Variants in TMEM132D observed in about 807,000 individuals in gnomAD.
TMEM132D encodes transmembrane protein 132D.
Under a neutral mutation model 62.3 loss-of-function variants are expected in TMEM132D, and 21 were observed. That is an observed-to-expected ratio of 0.34 (90% confidence interval 0.24 to 0.49). The LOEUF (loss-of-function observed/expected upper bound fraction) is 0.49. Among genes scored for constraint, TMEM132D ranks in the 20% least tolerant of loss-of-function variants. The pLI, the probability that TMEM132D is intolerant of heterozygous loss-of-function variation, is 0.99. For missense variants in TMEM132D, 1,346 were observed against 1,402.8 expected (o/e 0.96, Z 0.65); for synonymous variants, 621 against 575.6 (o/e 1.08, Z -1.13).
chr12:129,388,177 A>G (rs1871172105), intron 3 of TMEM132D, among the ~76,000 whole-genome samples: 3 of 124,570 alleles, frequency 2.4e-5, no homozygotes, highest in Non-Finnish European at 5.4e-5. Flanking sequence ...TAGCAACACC[A>G]ATATTAACAC....
intron 2 of TMEM132D, among the ~76,000 whole-genome samples, chr12:129,679,209 A>G (rs1880719127): frequency 6.6e-6 from 1 of 151,990 alleles, no homozygotes; most frequent in Admixed American, 6.6e-5. Flanking sequence ...TTGTGTCATT[A>G]TGCATTTCTA....
chr12:129,241,251 G>T (rs1429202772), intron 4 of TMEM132D, among the ~76,000 whole-genome samples: 1 of 151,096 alleles, frequency 6.6e-6, no homozygotes, highest in African/African-American at 2.4e-5. Flanking sequence ...AAAAATATTT[G>T]CAAACTATCC....
At chr12:129,520,252 A>G (rs1182671959) in intron 3 of TMEM132D, among the ~76,000 whole-genome samples, 1 of 152,186 alleles carries the variant, frequency 6.6e-6, no homozygotes, top group Non-Finnish European at 1.5e-5. Flanking sequence ...GCTTAATACC[A>G]TGACATTTTG....
At chr12:129,406,224 G>T (rs1021745216) in intron 3 of TMEM132D, among the ~76,000 whole-genome samples, 3 of 152,184 alleles carry the variant, frequency 2.0e-5, no homozygotes, top group South Asian at 2.1e-4. Flanking sequence ...AGAAAGTTTT[G>T]TAAGTAGTCT....
intron 5 of TMEM132D, among the ~76,000 whole-genome samples, chr12:129,207,660 T>C (rs1186375140): frequency 6.6e-6 from 1 of 152,176 alleles, no homozygotes; most frequent in East Asian, 1.9e-4. Flanking sequence ...GGGCTGTGCC[T>C]AGCGTGAGGC....
intron 5 of TMEM132D, among the ~76,000 whole-genome samples, chr12:129,181,444 C>T (rs2135551243): frequency 6.6e-6 from 1 of 152,318 alleles, no homozygotes; most frequent in East Asian, 1.9e-4. Context: ...AGCAGAGAGA[C>T]TTTTCTGAAA....
intron 4 of TMEM132D, among the ~76,000 whole-genome samples, chr12:129,258,028 A>G (rs893573672): frequency 6.6e-6 from 1 of 152,202 alleles, no homozygotes; most frequent in African/African-American, 2.4e-5. Context: ...TCATGCAACA[A>G]TTAAAAGAGG....
At chr12:129,353,579 T>G (rs1869943225) in intron 3 of TMEM132D, among the ~76,000 whole-genome samples, 1 of 152,024 alleles carries the variant, frequency 6.6e-6, no homozygotes, top group African/African-American at 2.4e-5. Context: ...AGCATTGCAG[T>G]TGAGATTGGG....
chr12:129,292,391 T>C (rs951962145), intron 4 of TMEM132D, among the ~76,000 whole-genome samples: 3 of 152,196 alleles, frequency 2.0e-5, no homozygotes, highest in Non-Finnish European at 2.9e-5. Context: ...AAGATTCTTA[T>C]AGAGAAGAGG....
At chr12:129,092,149 G>T (rs1874942838) in intron 5 of TMEM132D, among the ~76,000 whole-genome samples, 1 of 152,160 alleles carries the variant, frequency 6.6e-6, no homozygotes, top group Non-Finnish European at 1.5e-5. Context: ...TAGGGATATA[G>T]TTAATATTTC....
intron 2 of TMEM132D, among the ~76,000 whole-genome samples, chr12:129,571,739 A>T (rs11060442): frequency 0.13 from 19,030 of 152,154 alleles, 1,526 homozygotes; most frequent in East Asian, 0.43. Context: ...AATTAGAAGT[A>T]AATTGACCCC....
At chr12:129,788,978 C>T (rs931289521) in intron 1 of TMEM132D, among the ~76,000 whole-genome samples, 12 of 152,156 alleles carry the variant, frequency 7.9e-5, no homozygotes, top group African/African-American at 2.9e-4. Context: ...AACAGCAGCG[C>T]ATGTGCTGAG....
At chr12:129,587,527 C>T (rs1878063818) in intron 2 of TMEM132D, among the ~76,000 whole-genome samples, 1 of 152,050 alleles carries the variant, frequency 6.6e-6, no homozygotes, top group Non-Finnish European at 1.5e-5. Context: ...TGCACATGTA[C>T]CCCTGAACTT....
intron 5 of TMEM132D, among the ~76,000 whole-genome samples, chr12:129,103,782 C>T (rs1875394502): frequency 6.6e-6 from 1 of 151,944 alleles, no homozygotes; most frequent in Non-Finnish European, 1.5e-5. Context: ...GAGTGAACTC[C>T]CATTCACAAT....
chr12:129,812,475 C>A (rs1872215902), intron 1 of TMEM132D, among the ~76,000 whole-genome samples: 1 of 151,778 alleles, frequency 6.6e-6, no homozygotes, highest in South Asian at 2.1e-4. Flanking sequence ...GTTCCATCAT[C>A]TTTGGCAAAC....
At chr12:129,693,244 C>T (rs1366668326) in intron 2 of TMEM132D, among the ~76,000 whole-genome samples, 1 of 152,066 alleles carries the variant, frequency 6.6e-6, no homozygotes, top group Non-Finnish European at 1.5e-5. Context: ...AAAGAGCTCT[C>T]AATAGCCAGA....
At chr12:129,528,067 T>C (rs1055469265) in intron 3 of TMEM132D, among the ~76,000 whole-genome samples, 5 of 152,228 alleles carry the variant, frequency 3.3e-5, no homozygotes, top group Admixed American at 2.0e-4. Context: ...TAATTAACAC[T>C]GCTTCTTTTG....
intron 5 of TMEM132D, among the ~76,000 whole-genome samples, chr12:129,126,459 G>A (rs1876217829): frequency 6.6e-6 from 1 of 151,504 alleles, no homozygotes. Context: ...ATCGAGAGCA[G>A]TGTTACAGTG....
chr12:129,711,112 C>G (rs1158613395), intron 1 of TMEM132D, among the ~76,000 whole-genome samples: 1 of 152,190 alleles, frequency 6.6e-6, no homozygotes, highest in Non-Finnish European at 1.5e-5. Context: ...AGAGATCTCA[C>G]AAGCATCCAA....
Sources: allele counts gnomAD v4.1 joint callset (sites outside exome capture counted in the v4.1 genomes callset), GRCh38; gene constraint gnomAD v4.1.1; transcripts MANE v1.5; gene names NCBI Gene and HGNC (gene_info 2026-07-23, HGNC 2026-07-21).